Variants in RBPJ observed in about 807,000 individuals in gnomAD.
RBPJ encodes recombination signal binding protein for immunoglobulin kappa J region.
RBPJ carries 9 observed loss-of-function variants against 67.8 expected under a neutral mutation model. The ratio of observed to expected loss-of-function variants is 0.13; its 90% CI spans 0.08 to 0.23. The LOEUF is 0.23. Ranked by LOEUF, RBPJ falls within the 10% of genes least tolerant of loss-of-function variation. RBPJ has a pLI of 1.00. For missense variants in RBPJ, 305 were observed against 595.6 expected (o/e 0.51, Z 5.08); for synonymous variants, 198 against 203.3 (o/e 0.97, Z 0.22).
intron 2 of RBPJ, among the ~76,000 whole-genome samples, chr4:26,403,717 A>AT (rs886477908): frequency 2.0e-5 from 3 of 150,604 alleles, no homozygotes; most frequent in East Asian, 2.0e-4. Context: ...ACATGCTCTC[A>AT]TTTTTTTTAA....
chr4:26,169,794 C>T (rs564421968), intron 1 of RBPJ, among the ~76,000 whole-genome samples: 167 of 152,322 alleles, frequency 1.1e-3, no homozygotes, highest in Admixed American at 1.7e-3. Context: ...GCCCCTCCCC[C>T]AGCCTCGCTG....
At chr4:26,210,682 C>CTT (rs1428504822) in intron 1 of RBPJ, among the ~76,000 whole-genome samples, 1 of 37,176 alleles carries the variant, frequency 2.7e-5, no homozygotes, top group Non-Finnish European at 5.2e-5. Flanking sequence ...TTCTTTCTTT[C>CTT]TTTCCTTTCT....
At chr4:26,212,432 C>CTTTTCTTTT (rs1553849412) in intron 1 of RBPJ, among the ~76,000 whole-genome samples, 11 of 112,180 alleles carry the variant, frequency 9.8e-5, no homozygotes, top group East Asian at 2.5e-4. Flanking sequence ...CTTTTCTTTT[C>CTTTTCTTTT]TTTTTTTTTT....
chr4:26,329,376 T>G (rs1056647585), intron 1 of RBPJ, among the ~76,000 whole-genome samples: 1 of 152,162 alleles, frequency 6.6e-6, no homozygotes, highest in Non-Finnish European at 1.5e-5. Context: ...AAGAGAAATA[T>G]AATCAAAATC....
chr4:26,364,046 CAT>C (rs1213590851), intron 1 of RBPJ, among the ~76,000 whole-genome samples: 1 of 152,042 alleles, frequency 6.6e-6, no homozygotes. Flanking sequence ...ATGCTGAATT[CAT>C]TAATGTTACA....
upstream of RBPJ, among the ~76,000 whole-genome samples, chr4:26,160,892 A>G (rs1034685733): frequency 2.0e-5 from 3 of 152,228 alleles, no homozygotes; most frequent in African/African-American, 7.2e-5. Flanking sequence ...TTGAGGGGAA[A>G]GGGGCCTCTT....
chr4:26,188,404 C>T (rs1480861326), intron 1 of RBPJ, among the ~76,000 whole-genome samples: 2 of 152,192 alleles, frequency 1.3e-5, no homozygotes, highest in African/African-American at 4.8e-5. Context: ...AACTTGAGAA[C>T]AGATTTGTTG....
At chr4:26,425,518 AG>A in intron 7 of RBPJ, among the ~76,000 whole-genome samples, 1 of 152,150 alleles carries the variant, frequency 6.6e-6, no homozygotes, top group African/African-American at 2.4e-5. Context: ...CTTAAGTGGG[AG>A]GATCACTTGA....
the RBPJ span, among the ~76,000 whole-genome samples, chr4:26,115,509 C>T: frequency 1.3e-5 from 2 of 152,242 alleles, no homozygotes; most frequent in East Asian, 1.9e-4. Flanking sequence ...CTCAGCCTCC[C>T]GAGAAGCTGG....
chr4:26,362,432 T>C, intron 1 of RBPJ: 7 of 1,411,446 alleles, frequency 5.0e-6, no homozygotes, highest in Non-Finnish European at 3.7e-6. Flanking sequence ...TTATTTTTTG[T>C]TTTTGTTTTT....
At chr4:26,429,216 G>C (rs548328891) in intron 8 of RBPJ, among the ~76,000 whole-genome samples, 1 of 152,340 alleles carries the variant, frequency 6.6e-6, no homozygotes, top group Non-Finnish European at 1.5e-5. Flanking sequence ...GCATTTTTCT[G>C]GGTGAAGGCT....
chr4:26,316,452 TATATAC>T (rs1722624176), upstream of RBPJ, among the ~76,000 whole-genome samples: 12 of 141,396 alleles, frequency 8.5e-5, no homozygotes, highest in African/African-American at 2.5e-4. Flanking sequence ...TATACATTCA[TATATAC>T]ATTCATATAT....
chr4:26,409,734 G>T (rs906759214), intron 3 of RBPJ, among the ~76,000 whole-genome samples: 2 of 151,986 alleles, frequency 1.3e-5, no homozygotes, highest in African/African-American at 4.8e-5. Flanking sequence ...TCTTGACCTT[G>T]TGATCTGCCC....
chr4:26,373,162 G>A (rs1361460087), intron 1 of RBPJ, among the ~76,000 whole-genome samples: 1 of 152,156 alleles, frequency 6.6e-6, no homozygotes, highest in Admixed American at 6.5e-5. Flanking sequence ...ATGTAATGGT[G>A]TTACATAAAA....
At chr4:26,421,892 T>C (rs1735175782) in intron 5 of RBPJ, among the ~76,000 whole-genome samples, 1 of 152,174 alleles carries the variant, frequency 6.6e-6, no homozygotes, top group African/African-American at 2.4e-5. Context: ...AGAATGTCTT[T>C]TTATAGTTTT....
chr4:26,268,151 G>T (rs887935475), intron 1 of RBPJ, among the ~76,000 whole-genome samples: 1 of 151,536 alleles, frequency 6.6e-6, no homozygotes, highest in Non-Finnish European at 1.5e-5. Flanking sequence ...AGAAGAAAAA[G>T]GACACCCCAT....
chr4:26,192,335 C>A lies in RBPJ; in HGVS notation c.-167+28721C>A, dbSNP rs537237263. Reference sequence around the variant, plus strand: ...TTCTTTAACTTTATAAATAGAATGACATAACACACATTCTTTTGTGTCTAA... The same window carrying A: ...TTCTTTAACTTTATAAATAGAATGAAATAACACACATTCTTTTGTGTCTAA... On this transcript the variant is annotated intron_variant, in intron 1 of 4. Transcript: ENST00000512351. 2.0e-5 allele frequency among the ~76,000 whole-genome samples: 3 copies of A among 152,262 alleles called. 1 individual carries two copies. The highest frequency in any genetic ancestry group is 7.2e-5 in the African/African-American group (3 of 41,548).
chr4:26,166,239 G>C (rs1716291161), intron 1 of RBPJ, among the ~76,000 whole-genome samples: 1 of 134,898 alleles, frequency 7.4e-6, no homozygotes, highest in Non-Finnish European at 1.6e-5. Context: ...ACCCAGTAAT[G>C]GGATGGCTGG....
rs1736167715 is a variant in RBPJ at position 26,431,032 on chromosome 4, A to T, written c.*25A>T. On this transcript the variant is annotated 3_prime_UTR_variant, in exon 11 of 11. Transcript: ENST00000355476. ...ACTACCGTCTTTTTGCTAGGACTTAAACTGACTTGAGTGTGGCAAAAAGTT... is the reference window on the plus strand; with the variant it reads ...ACTACCGTCTTTTTGCTAGGACTTATACTGACTTGAGTGTGGCAAAAAGTT... 1.1e-5 allele frequency: 17 copies of T among 1,595,846 alleles called. No individual in the cohort carries two copies. Among genetic ancestry groups the T allele is most frequent in the Non-Finnish European group, 1.2e-5 (14 of 1,165,432 alleles).
Sources: gnomAD v4.1 joint callset for allele counts (sites outside exome capture counted in the v4.1 genomes callset) on GRCh38, gnomAD v4.1.1 for gene constraint, MANE v1.5 for transcripts, NCBI Gene and HGNC (gene_info 2026-07-23, HGNC 2026-07-21) for gene names.